The following SCML2 variants were observed in gnomAD, a reference collection of about 807,000 sequenced individuals.
SCML2 encodes sex comb on midleg-like protein 2.
A neutral mutation model predicts 48.4 loss-of-function variants in SCML2; 6 were observed. That is an observed-to-expected ratio of 0.12 (90% CI 0.07 to 0.24). The LOEUF (loss-of-function observed/expected upper bound fraction) is 0.24, where lower values mean the gene tolerates loss of function less well. Among genes scored for constraint, SCML2 ranks in the 10% least tolerant of loss-of-function variants. The probability of loss-of-function intolerance (pLI) is 1.00; values close to 1 mark genes in which losing one functional copy is unlikely to be tolerated. For synonymous variants in SCML2, 181 were observed against 189.5 expected (o/e 0.95, Z 0.37); for missense variants, 377 against 528.2 (o/e 0.71, Z 2.81).
intron 7 of SCML2, among the ~76,000 whole-genome samples, chrX:18,271,726 A>T (rs1175967927): frequency 9.2e-6 from 1 of 108,723 alleles, no homozygotes; most frequent in Non-Finnish European, 1.9e-5. Flanking sequence ...CTATGTACGA[A>T]TTTTTTTTCC....
At chrX:18,325,602 TAC>T (rs1929454314) in intron 3 of SCML2, among the ~76,000 whole-genome samples, 1 of 111,920 alleles carries the variant, frequency 8.9e-6, no homozygotes, top group Non-Finnish European at 1.9e-5. Context: ...CTACATTTTC[TAC>T]AGACTCTTGC....
intron 1 of SCML2, among the ~76,000 whole-genome samples, 194 bp from the exon 2 acceptor site, chrX:18,334,289 T>A (rs1929742901): frequency 8.9e-6 from 1 of 112,031 alleles, no homozygotes; most frequent in South Asian, 3.7e-4. Flanking sequence ...TGAATATGGG[T>A]ATGAAGTTTC....
At chrX:18,318,718 C>T (rs765907975) in intron 6 of SCML2, among the ~76,000 whole-genome samples, 13 of 111,979 alleles carry the variant, frequency 1.2e-4, no homozygotes, top group Non-Finnish European at 2.4e-4. Flanking sequence ...CTTCTGAATG[C>T]AAATAAAAAA....
At chrX:18,265,551 C>T in intron 8 of SCML2, 34 bp downstream of exon 8, 1 of 1,069,442 alleles carries the variant, frequency 9.4e-7, no homozygotes, top group Middle Eastern at 2.6e-4. Flanking sequence ...ACTATAAAAA[C>T]CTATAATACA....
At chrX:18,331,772 C>T (rs750135019) in intron 2 of SCML2, among the ~76,000 whole-genome samples, 12 of 111,551 alleles carry the variant, frequency 1.1e-4, no homozygotes, top group African/African-American at 3.9e-4. Flanking sequence ...TTTATTCTTC[C>T]CCTTTACAAT....
At chrX:18,354,539 C>T (rs978129382) in intron 1 of SCML2, 53 bp downstream of exon 1, 2 of 249,736 alleles carry the variant, frequency 8.0e-6, no homozygotes, top group African/African-American at 2.9e-5. Context: ...GGTCGGGGTC[C>T]GGGACACACC....
At chrX:18,305,836 A>C (rs1037255392) in intron 6 of SCML2, among the ~76,000 whole-genome samples, 4 of 111,479 alleles carry the variant, frequency 3.6e-5, no homozygotes, top group African/African-American at 6.5e-5. Context: ...GGGGTCATTT[A>C]TAATACCCAA....
chrX:18,260,300 A>T lies in SCML2; in HGVS notation c.949-9T>A. The T allele has an allele frequency of 8.5e-7, 1 of 1,179,248 alleles. No individual in the cohort carries two copies. Among genetic ancestry groups the T allele is most frequent in the Non-Finnish European group, 1.1e-6 (1 of 876,219 alleles). On this transcript the variant is annotated splice_polypyrimidine_tract_variant and intron_variant, in intron 8 of 14. Transcript: ENST00000251900. Reference sequence around the variant, plus strand: ...ACGGGCAAAGGTTTTTCCTGTTAAAAACAAAGGGAAAAAAACACAAGTATA... The same window carrying T: ...ACGGGCAAAGGTTTTTCCTGTTAAATACAAAGGGAAAAAAACACAAGTATA...
chrX:18,246,668 C>T lies in SCML2; in HGVS notation c.1731G>A (p.Val577=), dbSNP rs1926456910. Residue 577 remains valine, a synonymous_variant, in exon 13 of 15, where the codon GTG becomes GTA. Transcript: ENST00000251900. ...CTAGTGGTGAACTTGTGGTGCCTGG[C>T]ACACTTCGAGAAAAATCCTGGGAGA... The part of the protein sequence containing the change: ...TSVSQDFSRS[V]PGTTSSPLVG... The T allele has an allele frequency of 2.5e-6, 3 of 1,208,467 alleles. No individual in the cohort carries two copies. Among genetic ancestry groups the T allele is most frequent in the Non-Finnish European group, 3.4e-6 (3 of 893,877 alleles).
chrX:18,350,214 G>C (rs1391203921), intron 1 of SCML2, among the ~76,000 whole-genome samples: 1 of 110,905 alleles, frequency 9.0e-6, no homozygotes, highest in African/African-American at 3.3e-5. Flanking sequence ...AGGAGGCAGA[G>C]GCTGTAGTGA....
intron 6 of SCML2, among the ~76,000 whole-genome samples, chrX:18,311,926 G>C (rs912474087): frequency 4.5e-5 from 5 of 111,467 alleles, no homozygotes; most frequent in Non-Finnish European, 9.4e-5. Context: ...GAGTAGCTGG[G>C]ATTACAGGTG....
intron 8 of SCML2, among the ~76,000 whole-genome samples, chrX:18,263,945 A>G (rs892823563): frequency 1.8e-5 from 2 of 109,234 alleles, no homozygotes; most frequent in African/African-American, 6.7e-5. Context: ...TCATTCTTAC[A>G]TTGTTATCTT....
At chrX:18,276,093 G>T (rs1328052641) in intron 7 of SCML2, among the ~76,000 whole-genome samples, 1 of 111,790 alleles carries the variant, frequency 8.9e-6, no homozygotes, top group Non-Finnish European at 1.9e-5. Context: ...GAGGTCAGGA[G>T]TTCGAGATCA....
At chrX:18,257,202 TG>T (rs1042340314) in intron 10 of SCML2, among the ~76,000 whole-genome samples, 172 bp from the exon 11 acceptor site, 2 of 112,326 alleles carry the variant, frequency 1.8e-5, no homozygotes, top group Non-Finnish European at 3.8e-5. Flanking sequence ...CACAATAGCC[TG>T]TATTGGTAAA....
Position 18,353,447 on chromosome X carries a change from C to T in SCML2, c.-25+1145G>A, listed in dbSNP as rs1460532157. Among the ~76,000 whole-genome samples, 6 of 111,975 alleles carry T rather than the reference C, an allele frequency of 5.4e-5. No homozygotes were observed. In the Admixed American group the frequency reaches 5.7e-4, roughly 11 times the overall value. On this transcript the variant is annotated intron_variant, in intron 1 of 14. Coordinates refer to ENST00000251900, the MANE Select transcript of SCML2 (RefSeq NM_006089.3). ...GAAGCTGTTTTAGGGAAAAAAACAA[C>T]TATCTCCAATACTTTTGTAAATCAT...
At chrX:18,335,576 C>A (rs1410381807) in intron 1 of SCML2, among the ~76,000 whole-genome samples, 2 of 111,691 alleles carry the variant, frequency 1.8e-5, no homozygotes, top group African/African-American at 6.5e-5. Flanking sequence ...GGATGGGTCA[C>A]ACACAGAAGA....
At chrX:18,321,598 GA>G (rs776249974) in intron 5 of SCML2, among the ~76,000 whole-genome samples, 11,194 of 40,375 alleles carry the variant, frequency 0.28, 586 homozygotes, top group Middle Eastern at 0.4. Context: ...CACAATTGTT[GA>G]AAAAAAAAAA....
intron 8 of SCML2, among the ~76,000 whole-genome samples, 199 bp from the exon 9 acceptor site, chrX:18,260,490 G>A (rs774757918): frequency 1.8e-5 from 2 of 111,221 alleles, no homozygotes; most frequent in South Asian, 7.5e-4. Context: ...AAACTGTCCA[G>A]GTAGGGGAGA....
intron 7 of SCML2, among the ~76,000 whole-genome samples, chrX:18,280,838 G>A (rs776745489): frequency 1.8e-5 from 2 of 112,070 alleles, no homozygotes; most frequent in South Asian, 7.5e-4. Flanking sequence ...CAACACTGGA[G>A]CACCCAGATT....
Sources: gnomAD v4.1 joint callset for allele counts (sites outside exome capture counted in the v4.1 genomes callset) on GRCh38, gnomAD v4.1.1 for gene constraint, MANE v1.5 for transcripts, NCBI Gene and HGNC (gene_info 2026-07-23, HGNC 2026-07-21) for gene names.